ARHGAP6: variants seen among roughly 807,000 people sequenced by gnomAD.
The protein encoded by ARHGAP6 is rho GTPase-activating protein 6.
A neutral mutation model predicts 55.7 loss-of-function variants in ARHGAP6; 16 were observed. That is an observed-to-expected ratio of 0.29 (90% CI 0.19 to 0.44). The LOEUF (loss-of-function observed/expected upper bound fraction) is 0.44. Ranked by LOEUF, ARHGAP6 falls within the 20% of genes least tolerant of loss-of-function variation. The pLI, the probability that ARHGAP6 is intolerant of heterozygous loss-of-function variation, is 1.00. For missense variants in ARHGAP6, 698 were observed against 808.9 expected (o/e 0.86, Z 1.66); for synonymous variants, 382 against 360.9 (o/e 1.06, Z -0.66).
At chrX:11,503,582 G>A (rs1324364278) in intron 1 of ARHGAP6, among the ~76,000 whole-genome samples, 1 of 111,458 alleles carries the variant, frequency 9.0e-6, no homozygotes, top group Non-Finnish European at 1.9e-5. Context: ...ACCATGAATT[G>A]ATTACTCTTT....
chrX:11,591,307 T>C (rs1288878564), intron 1 of ARHGAP6, among the ~76,000 whole-genome samples: 1 of 109,876 alleles, frequency 9.1e-6, no homozygotes, highest in Admixed American at 9.7e-5. Flanking sequence ...AGACAAACAA[T>C]AGAATACAGG....
chrX:11,302,179 G>A (rs2048182603), intron 1 of ARHGAP6, among the ~76,000 whole-genome samples: 1 of 112,117 alleles, frequency 8.9e-6, no homozygotes, highest in African/African-American at 3.2e-5. Context: ...CATTTTAAGC[G>A]CTAAATAGCC....
At chrX:11,584,315 G>A (rs763723415) in intron 1 of ARHGAP6, among the ~76,000 whole-genome samples, 7 of 112,403 alleles carry the variant, frequency 6.2e-5, no homozygotes, top group African/African-American at 2.3e-4. Flanking sequence ...GTGAAAAACT[G>A]TTAGTTGTGA....
chrX:11,563,967 C>T (rs1222415929), intron 1 of ARHGAP6, among the ~76,000 whole-genome samples: 1 of 111,109 alleles, frequency 9.0e-6, no homozygotes, highest in Non-Finnish European at 1.9e-5. Context: ...TTAAAGGTCA[C>T]AAAGAGAGGC....
chrX:11,510,570 A>G (rs1235528248), intron 1 of ARHGAP6, among the ~76,000 whole-genome samples: 1 of 111,371 alleles, frequency 9.0e-6, no homozygotes, highest in Non-Finnish European at 1.9e-5. Context: ...ACACAAGGAT[A>G]AAAGTTATTC....
At chrX:11,374,244 G>C (rs901320708) in intron 1 of ARHGAP6, among the ~76,000 whole-genome samples, 70 of 111,373 alleles carry the variant, frequency 6.3e-4, no homozygotes, top group South Asian at 1.9e-3. Flanking sequence ...TGGTTGACTT[G>C]GCCAGGTACT....
intron 1 of ARHGAP6, among the ~76,000 whole-genome samples, chrX:11,301,971 C>T (rs1053689939): frequency 8.9e-6 from 1 of 112,092 alleles, no homozygotes; most frequent in South Asian, 3.7e-4. Context: ...CATTCAGCCA[C>T]GGTTTCCAAA....
At chrX:11,651,303 A>T (rs62589861) in intron 1 of ARHGAP6, among the ~76,000 whole-genome samples, 15,486 of 110,681 alleles carry the variant, frequency 0.14, 1,018 homozygotes, top group Middle Eastern at 0.26. Context: ...GCTCACCCTC[A>T]GGTAGGCCCC....
intron 1 of ARHGAP6, among the ~76,000 whole-genome samples, chrX:11,507,928 T>G (rs1199016980): frequency 4.5e-5 from 5 of 111,877 alleles, no homozygotes; most frequent in Non-Finnish European, 7.5e-5. Flanking sequence ...CAACACATAT[T>G]TCTTGAGCCT....
chrX:11,351,230 C>G (rs1057398038), intron 1 of ARHGAP6, among the ~76,000 whole-genome samples: 6 of 111,518 alleles, frequency 5.4e-5, no homozygotes, highest in Non-Finnish European at 9.4e-5. Flanking sequence ...AGATCATAAT[C>G]AGAACTGAAA....
At chrX:11,415,438 AAG>A (rs1272363454) in intron 1 of ARHGAP6, among the ~76,000 whole-genome samples, 3 of 112,353 alleles carry the variant, frequency 2.7e-5, no homozygotes, top group African/African-American at 9.7e-5. Flanking sequence ...CCATGACAGA[AAG>A]AACTCACTGA....
chrX:11,392,324 T>C (rs1052906429), intron 1 of ARHGAP6, among the ~76,000 whole-genome samples: 3 of 111,553 alleles, frequency 2.7e-5, no homozygotes, highest in Admixed American at 9.6e-5. Context: ...CCTCCTCCTA[T>C]GTACCATTCC....
chrX:11,651,420 T>C (rs1287458897), intron 1 of ARHGAP6, among the ~76,000 whole-genome samples: 1 of 111,778 alleles, frequency 8.9e-6, no homozygotes, highest in Non-Finnish European at 1.9e-5. Flanking sequence ...GTGAGTTTGC[T>C]AAGGATAATG....
At chrX:11,591,311 A>G (rs752283268) in intron 1 of ARHGAP6, among the ~76,000 whole-genome samples, 2 of 110,201 alleles carry the variant, frequency 1.8e-5, no homozygotes, top group South Asian at 7.4e-4. Flanking sequence ...AAACAATAGA[A>G]TACAGGATTA....
chrX:11,469,876 T>C (rs2147825723), intron 1 of ARHGAP6, among the ~76,000 whole-genome samples: 1 of 111,612 alleles, frequency 9.0e-6, no homozygotes, highest in South Asian at 3.9e-4. Context: ...TGGGTACATC[T>C]GTTCTATCTA....
chrX:11,602,656 T>G (rs2051990781), intron 1 of ARHGAP6, among the ~76,000 whole-genome samples: 1 of 112,969 alleles, frequency 8.9e-6, no homozygotes, highest in South Asian at 3.6e-4. Flanking sequence ...GGGATATGCT[T>G]CCCATCCCAA....
intron 9 of ARHGAP6, among the ~76,000 whole-genome samples, chrX:11,163,792 G>A (rs756582710): frequency 6.2e-5 from 7 of 112,176 alleles, no homozygotes; most frequent in African/African-American, 2.3e-4. Context: ...CAGGCAGCAT[G>A]TTTTGGCAAT....
At chrX:11,177,377 G>T (rs764964211) in intron 8 of ARHGAP6, among the ~76,000 whole-genome samples, 284 of 98,247 alleles carry the variant, frequency 2.9e-3, no homozygotes, top group Non-Finnish European at 4.6e-3. Context: ...GGGCGGGGGG[G>T]GGGCACACTG....
chrX:11,523,959 A>G (rs934030058), intron 1 of ARHGAP6, among the ~76,000 whole-genome samples: 1 of 112,106 alleles, frequency 8.9e-6, no homozygotes, highest in African/African-American at 3.2e-5. Flanking sequence ...TTATTTAACC[A>G]TTCATGCCTT....
Sources: allele counts gnomAD v4.1 joint callset (sites outside exome capture counted in the v4.1 genomes callset), GRCh38; gene constraint gnomAD v4.1.1; transcripts MANE v1.5; gene names NCBI Gene and HGNC (gene_info 2026-07-23, HGNC 2026-07-21).